The following SH3PXD2A variants were observed in gnomAD, a reference collection of about 807,000 sequenced individuals.
SH3PXD2A encodes SH3 and PX domain-containing protein 2A.
In SH3PXD2A, 32 loss-of-function variants were observed where a neutral mutation model predicts 115.2. The observed-to-expected ratio is 0.28, with a 90% CI of 0.21 to 0.37. The LOEUF (loss-of-function observed/expected upper bound fraction) is 0.37. SH3PXD2A is among the 10% of genes least tolerant of loss of function. The probability of loss-of-function intolerance (pLI) is 1.00; values close to 1 mark genes in which losing one functional copy is unlikely to be tolerated. For synonymous variants in SH3PXD2A, 610 were observed against 629.1 expected, an observed-to-expected ratio of 0.97 and a Z score of 0.45; for missense variants, 1,328 against 1,498.7, an observed-to-expected ratio of 0.89 and a Z score of 1.88.
At chr10:103,766,996 C>G in intron 3 of SH3PXD2A, 98 bp downstream of exon 3, 3 of 871,168 alleles carry the variant, frequency 3.4e-6, no homozygotes, top group Non-Finnish European at 5.6e-6. Context: ...GGGCATGCCC[C>G]GCCCAGAATC....
At chr10:103,769,194 G>GCA (rs2038793219) in intron 2 of SH3PXD2A, among the ~76,000 whole-genome samples, 9 of 149,468 alleles carry the variant, frequency 6.0e-5, no homozygotes, top group East Asian at 4.0e-4. Flanking sequence ...GCGCGCGCGC[G>GCA]CATTTATTTC....
rs1353899146 is a variant in SH3PXD2A, at chr10:103,784,964, GTC to G, written c.153+16316_153+16317del. Among the ~76,000 whole-genome samples, 1 of 152,176 alleles carries G rather than the reference GTC, an allele frequency of 6.6e-6. No individual in the cohort carries two copies. Among genetic ancestry groups the G allele is most frequent in the Non-Finnish European group, 1.5e-5 (1 of 68,034 alleles). On this transcript the variant is annotated intron_variant, in intron 2 of 14. Coordinates refer to ENST00000369774, the MANE Select transcript of SH3PXD2A (RefSeq NM_001394015.1). The surrounding 1 kb of genome is among the most constrained non-coding windows in gnomAD (Gnocchi z 4.4). ...CTGCAGGTCAGCTCGGGTTGCATCT[GTC>G]TCCAGCCCCTCAGCCCCACTCTGAA... is the stretch of plus-strand genomic sequence containing the variant.
chr10:103,750,234 T>C (rs964686312), intron 3 of SH3PXD2A, among the ~76,000 whole-genome samples: 1 of 152,118 alleles, frequency 6.6e-6, no homozygotes, highest in African/African-American at 2.4e-5. Flanking sequence ...AAAAATTTCT[T>C]GTAGAGATGG....
At chr10:103,805,834 G>A (rs2134270261) in intron 1 of SH3PXD2A, among the ~76,000 whole-genome samples, 1 of 152,252 alleles carries the variant, frequency 6.6e-6, no homozygotes, top group East Asian at 1.9e-4. Context: ...GACTGGCCTG[G>A]ACAACATAGT....
At chr10:103,632,419 T>G (rs562270372) in intron 8 of SH3PXD2A, among the ~76,000 whole-genome samples, 1 of 152,176 alleles carries the variant, frequency 6.6e-6, no homozygotes, top group Non-Finnish European at 1.5e-5. Context: ...GTTGCCACAA[T>G]TGACGTCTGA....
chr10:103,795,890 G>GGAAA, intron 2 of SH3PXD2A, among the ~76,000 whole-genome samples: 1 of 142,762 alleles, frequency 7.0e-6, no homozygotes, highest in Non-Finnish European at 1.5e-5. Flanking sequence ...GAGAGGGAGA[G>GGAAA]AGGGAGGGAG....
chr10:103,768,707 T>C (rs765164659), intron 2 of SH3PXD2A, among the ~76,000 whole-genome samples: 4 of 152,174 alleles, frequency 2.6e-5, no homozygotes, highest in Admixed American at 1.3e-4. Flanking sequence ...GAAGGTGACT[T>C]GGACCAAGGT....
chr10:103,639,646 G>GA lies in SH3PXD2A; in HGVS notation c.605-12445dup, dbSNP rs370955564. On this transcript the variant is annotated intron_variant, in intron 8 of 14. Coordinates refer to ENST00000369774, the MANE Select transcript of SH3PXD2A (RefSeq NM_001394015.1). ...AAAAAAGAAAAAGAAAAAAAAAAAAGAAAAAAAGAAAATGAGGCACTCACC... is the reference window on the plus strand; with the variant it reads ...AAAAAAGAAAAAGAAAAAAAAAAAAGAAAAAAAAGAAAATGAGGCACTCACC... Among the ~76,000 whole-genome samples, 19 of 137,638 alleles carry GA rather than the reference G, an allele frequency of 1.4e-4. No homozygotes were observed. In the South Asian group the frequency reaches 4.4e-3, roughly 32 times the overall value. 90.3% of individuals were successfully genotyped at this position (137,638 alleles called of 152,430 possible). A position where few individuals can be genotyped will look rare whatever the true frequency, so the allele number is the denominator to read the frequency against.
At chr10:103,629,478 G>A (rs2036747017) in intron 8 of SH3PXD2A, among the ~76,000 whole-genome samples, 1 of 152,232 alleles carries the variant, frequency 6.6e-6, no homozygotes, top group African/African-American at 2.4e-5. Context: ...GAAGGGTCCA[G>A]ACCATGCTTG....
intron 2 of SH3PXD2A, among the ~76,000 whole-genome samples, chr10:103,774,677 C>T (rs2038861345): frequency 6.6e-6 from 1 of 152,046 alleles, no homozygotes; most frequent in African/African-American, 2.4e-5. Context: ...TTCTAGTAGC[C>T]AATTCAAGTA....
chr10:103,607,403 T>TG (rs1454291494), intron 13 of SH3PXD2A, among the ~76,000 whole-genome samples: 6 of 144,170 alleles, frequency 4.2e-5, no homozygotes, highest in African/African-American at 1.1e-4. Context: ...GGGAGGGAGG[T>TG]GGGGGTCAGC....
intron 6 of SH3PXD2A, among the ~76,000 whole-genome samples, chr10:103,675,338 C>G (rs1357265263): frequency 6.6e-6 from 1 of 152,070 alleles, no homozygotes; most frequent in Non-Finnish European, 1.5e-5. Flanking sequence ...CTAGCTATGC[C>G]CAAGACCTGA....
intron 6 of SH3PXD2A, among the ~76,000 whole-genome samples, chr10:103,688,284 C>T (rs944575812): frequency 6.6e-6 from 1 of 152,228 alleles, no homozygotes; most frequent in South Asian, 2.1e-4. Context: ...CCTGAGCCTG[C>T]ACAAGGTTCA....
Position 103,768,184 on chromosome 10 carries a change from C to T in SH3PXD2A, c.154-1015G>A, listed in dbSNP as rs371959732. Reference sequence around the variant, plus strand: ...TCTTGCGCTCAGGGAGTTTACACTCCGGTGGAGGGAGACAAACAGCAAACA... The same window carrying T: ...TCTTGCGCTCAGGGAGTTTACACTCTGGTGGAGGGAGACAAACAGCAAACA... On this transcript the variant is annotated intron_variant, in intron 2 of 14. Transcript: ENST00000369774. Among the ~76,000 whole-genome samples, 10 of 152,268 alleles carry T rather than the reference C, an allele frequency of 6.6e-5. No homozygotes were observed. The East Asian group carries it at 1.3e-3, about 21-fold the overall frequency.
At chr10:103,802,714 G>GA (rs2039159201) in intron 1 of SH3PXD2A, among the ~76,000 whole-genome samples, 3 of 152,222 alleles carry the variant, frequency 2.0e-5, no homozygotes, top group Admixed American at 2.0e-4. Flanking sequence ...ACACAGGTAA[G>GA]ACCTCTGCCC....
rs200454434 is a variant in SH3PXD2A at position 103,668,628 on chromosome 10, G to A, written c.452C>T (p.Ser151Leu). 2 of 1,558,280 alleles carry A rather than the reference G, an allele frequency of 1.3e-6. No individual in the cohort carries two copies. Among genetic ancestry groups the A allele is most frequent in the East Asian group, 2.4e-5 (1 of 41,984 alleles). Residue 151 changes from serine to leucine, a missense_variant, in exon 7 of 15, where the codon TCG becomes TTG. This residue lies in a region of SH3PXD2A where 90 missense variants were observed against 71.1 expected (regional missense o/e 1.27). Transcript: ENST00000369774. ...AGTACCTGTCACGTCCTTCTTGGGC[G>A]ACTCAGCCCAGCTGGACAGCCACAC... ...KSVWLSSWAE[S>L]PKKDVTGADA...
At chr10:103,669,583 C>G (rs2037430897) in intron 6 of SH3PXD2A, among the ~76,000 whole-genome samples, 1 of 152,232 alleles carries the variant, frequency 6.6e-6, no homozygotes, top group African/African-American at 2.4e-5. Context: ...CCCATGGCAA[C>G]CCCATCAAGT....
At position 103,599,388 on chromosome 10, in the gene SH3PXD2A, T is replaced by C. The variant is rs2036183886; in HGVS notation, c.*2428A>G. ...GATGCTCTGTGCTTGGCAGACATGC[T>C]CTGCACTCCCTCCTGGCCTGGCTGG... On this transcript the variant is annotated 3_prime_UTR_variant, in exon 15 of 15. Coordinates refer to ENST00000369774, the MANE Select transcript of SH3PXD2A (RefSeq NM_001394015.1). 1 of 152,664 alleles carries C rather than the reference T, an allele frequency of 6.6e-6. No individual in the cohort carries two copies. Among genetic ancestry groups the C allele is most frequent in the Non-Finnish European group, 1.5e-5 (1 of 68,080 alleles). The allele number at this position is 152,664 out of a possible 1,614,324, so 9.5% of individuals were successfully genotyped here. A position where few individuals can be genotyped will look rare whatever the true frequency, so the allele number is the denominator to read the frequency against.
intron 9 of SH3PXD2A, among the ~76,000 whole-genome samples, chr10:103,623,854 G>A (rs56033495): frequency 0.17 from 25,693 of 152,242 alleles, 2,510 homozygotes; most frequent in Non-Finnish European, 0.22. Context: ...GGTGGGGGAG[G>A]TGTGTAGGGC....
Sources: allele counts gnomAD v4.1 joint callset (sites outside exome capture counted in the v4.1 genomes callset), GRCh38; gene constraint gnomAD v4.1.1; regional missense constraint gnomAD v4.1.1; non-coding constraint Gnocchi (gnomAD v3.1); transcripts MANE v1.5; gene names NCBI Gene and HGNC (gene_info 2026-07-23, HGNC 2026-07-21).